Variants in CGB7 observed in about 807,000 individuals in gnomAD.
CGB7 encodes choriogonadotropin subunit beta 7.
CGB7 carries 6 observed loss-of-function variants against 7.3 expected under a neutral mutation model. The observed-to-expected ratio is 0.82, with a 90% confidence interval of 0.45 to 1.62. The LOEUF is 1.62. Among genes scored for constraint, CGB7 ranks in the 40% most tolerant of loss-of-function variants. The pLI is 0.01. For synonymous variants in CGB7, 47 were observed against 100.8 expected (o/e 0.47, Z 3.20); for missense variants, 114 against 236.2 (o/e 0.48, Z 3.39).
Position 49,055,620 on chromosome 19 carries a change from T to C in CGB7, c.-245A>G. The C allele has an allele frequency of 1.0e-5, 15 of 1,438,750 alleles. No homozygotes were observed. In the South Asian group the frequency reaches 2.2e-4, roughly 21 times the overall value. The allele number at this position is 1,438,750 out of a possible 1,614,324, so 89.1% of individuals were successfully genotyped here. ...TGAAGTGACCTCTGAGACTCAGTCG[T>C]CGAGTGCTAGGGACTAGTCGAGGCT... is the stretch of plus-strand genomic sequence containing the variant. On this transcript the variant is annotated 5_prime_UTR_variant, in exon 3 of 5. Coordinates refer to ENST00000684222, the MANE Select transcript of CGB7 (RefSeq NM_001385261.1).
rs528046811 is a variant in CGB7 at position 49,055,677 on chromosome 19, T to G, written c.-302A>C. ...ACAGAGAGTAGGGTGTAGGAAGGCC[T>G]GCCTCTGCCTATGGTGGGGTCTTGG... is the stretch of plus-strand genomic sequence containing the variant. On this transcript the variant is annotated 5_prime_UTR_variant, in exon 3 of 5. Transcript: ENST00000684222. 1 of 1,343,164 alleles carries G rather than the reference T, an allele frequency of 7.4e-7. No individual in the cohort carries two copies. The highest frequency in any genetic ancestry group is 2.9e-5 in the East Asian group (1 of 34,110). 83.2% of individuals were successfully genotyped at this position (1,343,164 alleles called of 1,614,324 possible).
At chr19:49,057,018 T>G (rs1487777662) in intron 2 of CGB7, 103 bp downstream of exon 2, 3 of 1,271,494 alleles carry the variant, frequency 2.4e-6, no homozygotes, top group African/African-American at 1.5e-5. Context: ...GAGTCGAGAC[T>G]GAGACCACCG....
At position 49,057,747 on chromosome 19, in the gene CGB7, G is replaced by A. The variant is rs903777654; in HGVS notation, c.-1634C>T. Reference sequence around the variant, plus strand: ...CCCCTGGTCCTTCTGGCCTGGCGTGGATGCCCAGCCCTTCCTCCCGCTCCT... The same window carrying A: ...CCCCTGGTCCTTCTGGCCTGGCGTGAATGCCCAGCCCTTCCTCCCGCTCCT... On this transcript the variant is annotated 5_prime_UTR_variant, in exon 1 of 5. Coordinates refer to ENST00000684222, the MANE Select transcript of CGB7 (RefSeq NM_001385261.1). 4.5e-6 allele frequency: 6 copies of A among 1,338,418 alleles called. No individual in the cohort carries two copies. The highest frequency in any genetic ancestry group is 1.5e-5 in the African/African-American group (1 of 66,096). The allele number at this position is 1,338,418 out of a possible 1,614,324, so 82.9% of individuals were successfully genotyped here. A position where few individuals can be genotyped will look rare whatever the true frequency, so the allele number is the denominator to read the frequency against.
rs575696566 is a variant in CGB7, at chr19:49,055,114, G to A, written c.16-106C>T. 61 of 1,587,490 alleles carry A rather than the reference G, an allele frequency of 3.8e-5. No individual in the cohort carries two copies. In the East Asian group the frequency reaches 4.7e-4, roughly 12 times the overall value. On this transcript the variant is annotated intron_variant, in intron 3 of 4. Transcript: ENST00000684222. ...CCACAAAGACCCAGAGACCCTTCCC[G>A]GCATCTCCTATTCAGGACCCACCAC...
chr19:49,055,172 G>C (rs2040040986), intron 3 of CGB7, 164 bp from the exon 4 acceptor site: 2 of 984,892 alleles, frequency 2.0e-6, no homozygotes, highest in African/African-American at 3.5e-5. Flanking sequence ...CCACCCCACA[G>C]CCCGAGGGAC....
chr19:49,057,247 G>T lies in CGB7; in HGVS notation c.-1347C>A. On this transcript the variant is annotated splice_region_variant and 5_prime_UTR_variant, in exon 2 of 5. Transcript: ENST00000684222. ...GGGGTTCTTCGTGCAGGCGATTAGA[G>T]CCTGAGCAAGATTGGGGGAGGAGGC... 2 of 1,532,870 alleles carry T rather than the reference G, an allele frequency of 1.3e-6. No individual in the cohort carries two copies. Among genetic ancestry groups the T allele is most frequent in the Admixed American group, 3.9e-5 (2 of 50,884 alleles). 95.0% of individuals were successfully genotyped at this position (1,532,870 alleles called of 1,614,324 possible). A position where few individuals can be genotyped will look rare whatever the true frequency, so the allele number is the denominator to read the frequency against.
rs1294617860 is a variant in CGB7, at chr19:49,056,175, C to T, written c.-800G>A. The stretch of plus-strand genomic sequence containing the variant: ...GATAGACTTAATGAGTGCGAGCCCA[C>T]CTAGGTCCGACACCGCGTAGTGAGC... On this transcript the variant is annotated 5_prime_UTR_variant, in exon 3 of 5. In the 5' UTR this introduces an upstream ATG that the reference lacks. Coordinates refer to ENST00000684222, the MANE Select transcript of CGB7 (RefSeq NM_001385261.1). 3.2e-6 allele frequency: 4 copies of T among 1,261,244 alleles called. No individual in the cohort carries two copies. Among genetic ancestry groups the T allele is most frequent in the Non-Finnish European group, 4.1e-6 (4 of 972,842 alleles). 78.1% of individuals were successfully genotyped at this position (1,261,244 alleles called of 1,614,324 possible). A position where few individuals can be genotyped will look rare whatever the true frequency, so the allele number is the denominator to read the frequency against.
In CGB7 at chr19:49,056,163, AG is replaced by A. The variant is rs1023612570; in HGVS notation, c.-789del. The A allele has an allele frequency of 1.1e-4, 141 of 1,241,632 alleles. 1 individual carries two copies. In the Admixed American group the frequency reaches 1.4e-3, roughly 12 times the overall value. The allele number at this position is 1,241,632 out of a possible 1,614,324, so 76.9% of individuals were successfully genotyped here. On this transcript the variant is annotated 5_prime_UTR_variant, in exon 3 of 5. Coordinates refer to ENST00000684222, the MANE Select transcript of CGB7 (RefSeq NM_001385261.1). Reference sequence around the variant, plus strand: ...CCCCACACTGCGGATAGACTTAATGAGTGCGAGCCCACCTAGGTCCGACACC... The same window carrying A: ...CCCCACACTGCGGATAGACTTAATGATGCGAGCCCACCTAGGTCCGACACC...
In CGB7 at chr19:49,055,002, G is replaced by T. The variant is rs2122202031; in HGVS notation, c.22C>A (p.Leu8Met). 6.2e-7 allele frequency: 1 copy of T among 1,602,058 alleles called. No individual in the cohort carries two copies. The highest frequency in any genetic ancestry group is 8.5e-7 in the Non-Finnish European group (1 of 1,179,490). MEMFQGL[L>M]LLLLLSMGGT... is the part of the protein sequence containing the mutation. ...CCCATGCTCAGCAGCAGCAACAGCA[G>T]CAGCCCCTGGGACAAGGACACTGCT... Residue 8 changes from leucine (L) to methionine (M), a missense_variant, in exon 4 of 5, where the codon CTG (leucine) becomes ATG (methionine). Coordinates refer to ENST00000684222, the MANE Select transcript of CGB7 (RefSeq NM_001385261.1).
intron 2 of CGB7, 65 bp downstream of exon 2, chr19:49,057,056 C>T: frequency 6.7e-7 from 1 of 1,497,158 alleles, no homozygotes; most frequent in African/African-American, 1.4e-5. Context: ...AGCCCAGGGG[C>T]TCGGCGTGCA....
intron 3 of CGB7, 90 bp from the exon 4 acceptor site, chr19:49,055,098 C>T (rs2040039899): frequency 6.3e-7 from 1 of 1,597,278 alleles, no homozygotes; most frequent in African/African-American, 1.3e-5. Flanking sequence ...CCCACAAAGA[C>T]CCAGAGACCC....
At chr19:49,055,117 A>G in intron 3 of CGB7, 109 bp from the exon 4 acceptor site, 2 of 1,586,152 alleles carry the variant, frequency 1.3e-6, no homozygotes, top group Non-Finnish European at 1.7e-6. Flanking sequence ...CCTTCCCGGC[A>G]TCTCCTATTC....
Position 49,055,633 on chromosome 19 carries a change from A to C in CGB7, c.-258T>G, listed in dbSNP as rs1717596278. 11 of 1,415,118 alleles carry C rather than the reference A, an allele frequency of 7.8e-6. No homozygotes were observed. Among genetic ancestry groups the C allele is most frequent in the South Asian group, 1.5e-5 (1 of 66,580 alleles). 87.7% of individuals were successfully genotyped at this position (1,415,118 alleles called of 1,614,324 possible). ...GAGACTCAGTCGTCGAGTGCTAGGG[A>C]CTAGTCGAGGCTGGAGGCACAGAGA... is the stretch of plus-strand genomic sequence containing the variant. On this transcript the variant is annotated 5_prime_UTR_variant, in exon 3 of 5. Coordinates refer to ENST00000684222, the MANE Select transcript of CGB7 (RefSeq NM_001385261.1).
In CGB7 at chr19:49,057,644, A is replaced by T. The variant is rs2040083368; in HGVS notation, c.-1531T>A. On this transcript the variant is annotated 5_prime_UTR_variant, in exon 1 of 5. Coordinates refer to ENST00000684222, the MANE Select transcript of CGB7 (RefSeq NM_001385261.1). ...AACTCCCACCCTACCACGTCTCAGA[A>T]TATTCTAGTCTCCTCCCCACCCACA... 8.4e-7 allele frequency: 1 copy of T among 1,191,660 alleles called. No homozygotes were observed. The highest frequency in any genetic ancestry group is 5.0e-5 in the East Asian group (1 of 20,070). The allele number at this position is 1,191,660 out of a possible 1,614,324, so 73.8% of individuals were successfully genotyped here.
At chr19:49,054,778 C>T in intron 4 of CGB7, 63 bp downstream of exon 4, 4 of 1,465,680 alleles carry the variant, frequency 2.7e-6, no homozygotes, top group Non-Finnish European at 3.7e-6. Flanking sequence ...CCCTTCCTCC[C>T]CCGCTGCCTC....
At position 49,057,533 on chromosome 19, in the gene CGB7, T is replaced by C. The variant is rs2040081903; in HGVS notation, c.-1420A>G. 1 of 1,188,710 alleles carries C rather than the reference T, an allele frequency of 8.4e-7. No individual in the cohort carries two copies. The highest frequency in any genetic ancestry group is 1.1e-6 in the Non-Finnish European group (1 of 951,854). 73.6% of individuals were successfully genotyped at this position (1,188,710 alleles called of 1,614,324 possible). ...GCCCCCAGCCACCACAAAATCCCCC[T>C]GGTTCTGCCCCCGGTCTCAAGCCTT... On this transcript the variant is annotated 5_prime_UTR_variant, in exon 1 of 5. Transcript: ENST00000684222.
rs775919694 is a variant in CGB7, at chr19:49,054,941, C to T, written c.83G>A (p.Arg28Gln). 7.2e-6 allele frequency: 11 copies of T among 1,524,790 alleles called. 1 individual carries two copies. The highest frequency in any genetic ancestry group is 2.3e-4 in the Middle Eastern group (1 of 4,414). 94.5% of individuals were successfully genotyped at this position (1,524,790 alleles called of 1,614,324 possible). The part of the protein sequence containing the change: ...TWASREMLRP[R>Q]CRPINATLAV... ...CAGGGTGGCATTGATGGGGCGGCAC[C>T]GTGGCCGAAGCATCTCCCTGGATGC... The change falls in exon 4 of 5, where the codon CGG becomes CAG. Residue 28 changes from arginine to glutamine, a missense_variant. This residue lies in a region of CGB7 where 58 missense variants were observed against 91.7 expected (regional missense o/e 0.63). Coordinates refer to ENST00000684222, the MANE Select transcript of CGB7 (RefSeq NM_001385261.1).
In CGB7 at chr19:49,056,301, G is replaced by A. The variant is rs527566386; in HGVS notation, c.-926C>T. The A allele has an allele frequency of 1.5e-6, 2 of 1,292,876 alleles. No individual in the cohort carries two copies. Among genetic ancestry groups the A allele is most frequent in the Non-Finnish European group, 2.0e-6 (2 of 990,706 alleles). The allele number at this position is 1,292,876 out of a possible 1,614,324, so 80.1% of individuals were successfully genotyped here. Reference sequence around the variant, plus strand: ...AGCCCCGGCTTACAGCGGCCTGAGCGGGAGTTCTCGGTGCTGTAGGCTTTC... The same window carrying A: ...AGCCCCGGCTTACAGCGGCCTGAGCAGGAGTTCTCGGTGCTGTAGGCTTTC... On this transcript the variant is annotated 5_prime_UTR_variant, in exon 3 of 5. Coordinates refer to ENST00000684222, the MANE Select transcript of CGB7 (RefSeq NM_001385261.1).
chr19:49,056,194 A>T lies in CGB7; in HGVS notation c.-819T>A. 1.6e-6 allele frequency: 2 copies of T among 1,271,338 alleles called. No homozygotes were observed. Among genetic ancestry groups the T allele is most frequent in the Non-Finnish European group, 2.0e-6 (2 of 978,120 alleles). The allele number at this position is 1,271,338 out of a possible 1,614,324, so 78.8% of individuals were successfully genotyped here. On this transcript the variant is annotated 5_prime_UTR_variant, in exon 3 of 5. Coordinates refer to ENST00000684222, the MANE Select transcript of CGB7 (RefSeq NM_001385261.1). Reference sequence around the variant, plus strand: ...AGCCCACCTAGGTCCGACACCGCGTAGTGAGCGGCTGCCCAGAGCTCTGCT... The same window carrying T: ...AGCCCACCTAGGTCCGACACCGCGTTGTGAGCGGCTGCCCAGAGCTCTGCT...
Sources: allele counts gnomAD v4.1 joint callset, GRCh38; gene constraint gnomAD v4.1.1; regional missense constraint gnomAD v4.1.1; transcripts MANE v1.5; gene names NCBI Gene and HGNC (gene_info 2026-07-23, HGNC 2026-07-21).